The following IPO7 variants were observed in gnomAD, a reference collection of about 807,000 sequenced individuals.
The protein encoded by IPO7 is importin-7.
IPO7 carries 13 observed loss-of-function variants against 136.4 expected under a neutral mutation model. The observed-to-expected ratio is 0.10, with a 90% confidence interval of 0.06 to 0.15. The LOEUF is 0.15. Among genes scored for constraint, IPO7 ranks in the 10% least tolerant of loss-of-function variants. IPO7 has a pLI of 1.00. For missense variants in IPO7, 857 were observed against 1,240.6 expected (o/e 0.69, Z 4.65); for synonymous variants, 403 against 404.4 (o/e 1.00, Z 0.04).
At chr11:9,439,013 C>A (rs1855423515) in intron 22 of IPO7, among the ~76,000 whole-genome samples, 1 of 152,172 alleles carries the variant, frequency 6.6e-6, no homozygotes, top group Non-Finnish European at 1.5e-5. Context: ...GTGGCATGAG[C>A]CTATAGTCCC....
chr11:9,431,944 C>G, intron 16 of IPO7, among the ~76,000 whole-genome samples: 1 of 152,086 alleles, frequency 6.6e-6, no homozygotes, highest in African/African-American at 2.4e-5. Flanking sequence ...CACTGCACTC[C>G]AGCCTGGGCG....
chr11:9,417,925 C>G (rs1334716458), intron 6 of IPO7, among the ~76,000 whole-genome samples: 3 of 151,910 alleles, frequency 2.0e-5, no homozygotes, highest in African/African-American at 7.2e-5. Context: ...GTTGGCCAGG[C>G]TGGTCTCAAA....
intron 24 of IPO7, among the ~76,000 whole-genome samples, chr11:9,444,624 G>A (rs536351336): frequency 2.6e-4 from 40 of 151,780 alleles, no homozygotes; most frequent in African/African-American, 8.9e-4. Context: ...ACTTGAGGTC[G>A]GGAGTTCTAG....
intron 3 of IPO7, among the ~76,000 whole-genome samples, chr11:9,408,903 A>G (rs1854928287): frequency 6.6e-6 from 1 of 151,082 alleles, no homozygotes; most frequent in African/African-American, 2.4e-5. Flanking sequence ...TAGTAGAGAC[A>G]GGGTTTCACC....
At position 9,429,849 on chromosome 11, in the gene IPO7, C is replaced by A. The variant is rs78737697; in HGVS notation, c.1752+15C>A. On this transcript the variant is annotated intron_variant, in intron 15 of 24. Transcript: ENST00000379719. ...CACAACATTTGGTATGTTGTTTGAA[C>A]CTACCATATTTGCAAGCATTTTAAT... is the stretch of plus-strand genomic sequence containing the variant. 1 of 1,562,186 alleles carries A rather than the reference C, an allele frequency of 6.4e-7. No homozygotes were observed. The highest frequency in any genetic ancestry group is 1.2e-5 in the South Asian group (1 of 84,338).
intron 1 of IPO7, among the ~76,000 whole-genome samples, chr11:9,394,853 A>T (rs550995129): frequency 1.3e-5 from 2 of 152,324 alleles, no homozygotes; most frequent in Non-Finnish European, 2.9e-5. Context: ...AAGTGTGACT[A>T]TTGAAATTAT....
At chr11:9,400,889 A>G (rs1564993053) in intron 1 of IPO7, among the ~76,000 whole-genome samples, 2 of 151,966 alleles carry the variant, frequency 1.3e-5, no homozygotes, top group African/African-American at 4.8e-5. Context: ...CTGTAAGAAG[A>G]TACTAAAATA....
intron 20 of IPO7, among the ~76,000 whole-genome samples, chr11:9,436,908 C>T (rs1461242543): frequency 2.3e-5 from 2 of 88,634 alleles, no homozygotes; most frequent in South Asian, 8.3e-4. Flanking sequence ...TTTTTTGAGA[C>T]GCTGTCTCGC....
At chr11:9,444,796 C>T (rs959578293) in intron 24 of IPO7, among the ~76,000 whole-genome samples, 2 of 146,504 alleles carry the variant, frequency 1.4e-5, no homozygotes, top group Admixed American at 1.4e-4. Flanking sequence ...AAGATCGTGC[C>T]GCTGCACTCC....
intron 1 of IPO7, among the ~76,000 whole-genome samples, chr11:9,396,580 G>GC (rs772431465): frequency 6.6e-5 from 10 of 151,934 alleles, no homozygotes; most frequent in Non-Finnish European, 1.2e-4. Flanking sequence ...TCCGCATTCC[G>GC]CCCCGACCCC....
chr11:9,402,924 G>A (rs974007138), intron 1 of IPO7: 6 of 234,090 alleles, frequency 2.6e-5, no homozygotes, highest in African/African-American at 4.8e-5. Context: ...GGGAGGCTGA[G>A]GCAGGAGAAT....
intron 18 of IPO7, 122 bp downstream of exon 18, chr11:9,433,968 G>A: frequency 1.0e-6 from 1 of 970,478 alleles, no homozygotes; most frequent in South Asian, 1.7e-5. Flanking sequence ...TTGTTGCCCA[G>A]GCTGGAGTGC....
intron 4 of IPO7, among the ~76,000 whole-genome samples, chr11:9,410,683 G>A (rs1395310391): frequency 6.6e-6 from 1 of 152,058 alleles, no homozygotes; most frequent in African/African-American, 2.4e-5. Context: ...CTTGTTTTAG[G>A]GATCAGGAAA....
intron 16 of IPO7, among the ~76,000 whole-genome samples, chr11:9,432,679 A>AT (rs1855313114): frequency 1.3e-5 from 2 of 152,092 alleles, no homozygotes; most frequent in South Asian, 4.1e-4. Flanking sequence ...AGTGGATATT[A>AT]TTTTACCCTT....
chr11:9,411,544 A>G (rs1854968266), intron 4 of IPO7, among the ~76,000 whole-genome samples: 1 of 152,178 alleles, frequency 6.6e-6, no homozygotes, highest in Non-Finnish European at 1.5e-5. Context: ...GAGGTTGGGA[A>G]TAGTTTTGGA....
intron 1 of IPO7, among the ~76,000 whole-genome samples, chr11:9,392,512 C>G (rs1854650547): frequency 6.6e-6 from 1 of 152,022 alleles, no homozygotes. Context: ...TTCCTTGGCT[C>G]TTGAAATTAC....
At chr11:9,406,104 C>CTTTTTTTTTCTTTT in intron 2 of IPO7, among the ~76,000 whole-genome samples, 1 of 61,816 alleles carries the variant, frequency 1.6e-5, no homozygotes, top group Admixed American at 3.1e-4. Flanking sequence ...TGAGGCTGGT[C>CTTTTTTTTTCTTTT]TTTTTTTTTT....
chr11:9,384,905 C>T (rs1854529229), intron 1 of IPO7, 58 bp downstream of exon 1: 3 of 1,400,168 alleles, frequency 2.1e-6, no homozygotes, highest in East Asian at 2.5e-5. Context: ...AGTGGCAGGC[C>T]GAGCCCCCGG....
At chr11:9,394,379 G>T (rs1422644101) in intron 1 of IPO7, among the ~76,000 whole-genome samples, 1 of 54,880 alleles carries the variant, frequency 1.8e-5, no homozygotes, top group Non-Finnish European at 3.4e-5. Context: ...ATTTTGGGTG[G>T]CAGAGAAAGC....
Sources: gnomAD v4.1 joint callset for allele counts (sites outside exome capture counted in the v4.1 genomes callset) on GRCh38, gnomAD v4.1.1 for gene constraint, MANE v1.5 for transcripts, NCBI Gene and HGNC (gene_info 2026-07-23, HGNC 2026-07-21) for gene names.